PHACTR1: variants seen among roughly 807,000 people sequenced by gnomAD.
The protein encoded by PHACTR1 is RPEL repeat containing 1.
PHACTR1 carries 16 observed loss-of-function variants against 69.2 expected under a neutral mutation model. The ratio of observed to expected loss-of-function variants is 0.23; its 90% CI spans 0.16 to 0.35. The LOEUF is 0.35. Among genes scored for constraint, PHACTR1 ranks in the 10% least tolerant of loss-of-function variants. PHACTR1 has a pLI of 1.00. For missense variants in PHACTR1, 510 were observed against 734.7 expected (o/e 0.69, Z 3.54); for synonymous variants, 312 against 284.5 (o/e 1.10, Z -0.97).
At chr6:13,284,555 T>C (rs1366312354) in intron 13 of PHACTR1, among the ~76,000 whole-genome samples, 3 of 113,090 alleles carry the variant, frequency 2.7e-5, no homozygotes, top group Non-Finnish European at 4.9e-5. Context: ...TATATATATA[T>C]ATATATATAT....
At chr6:12,885,544 G>A (rs1011379852) in intron 4 of PHACTR1, among the ~76,000 whole-genome samples, 28 of 152,304 alleles carry the variant, frequency 1.8e-4, no homozygotes, top group Non-Finnish European at 3.1e-4. Flanking sequence ...TTTAGAAATA[G>A]CAAAGATGCA....
intron 4 of PHACTR1, among the ~76,000 whole-genome samples, chr6:13,017,213 T>TCAA (rs1800320455): frequency 8.3e-6 from 1 of 120,986 alleles, no homozygotes; most frequent in African/African-American, 3.6e-5. Flanking sequence ...AAAAAATGCA[T>TCAA]CAACAACAAC....
chr6:13,229,957 T>G, intron 9 of PHACTR1, 80 bp from the exon 10 acceptor site: 1 of 1,439,668 alleles, frequency 6.9e-7, no homozygotes, highest in East Asian at 2.5e-5. Context: ...TCCTGCCTTG[T>G]ATCTTATGAC....
intron 11 of PHACTR1, chr6:13,274,331 T>C (rs992640142): frequency 2.6e-5 from 4 of 152,178 alleles, no homozygotes; most frequent in Admixed American, 2.0e-4. Context: ...CCTTTAAAGT[T>C]TCCAAGCTTA....
chr6:12,751,547 G>A (rs1346576699), intron 4 of PHACTR1, among the ~76,000 whole-genome samples: 4 of 152,208 alleles, frequency 2.6e-5, no homozygotes, highest in Non-Finnish European at 4.4e-5. Context: ...CCTTCTACTA[G>A]TACTTTTATC....
intron 4 of PHACTR1, among the ~76,000 whole-genome samples, chr6:12,867,829 G>A (rs528645127): frequency 8.6e-6 from 1 of 115,712 alleles, no homozygotes; most frequent in East Asian, 2.6e-4. Context: ...AGAAGCAAGG[G>A]GAAGGGAGGA....
chr6:13,001,605 C>T (rs1408912742), intron 4 of PHACTR1, among the ~76,000 whole-genome samples: 1 of 152,180 alleles, frequency 6.6e-6, no homozygotes, highest in Non-Finnish European at 1.5e-5. Context: ...CAGTTTCTCC[C>T]AGAAAAGGTC....
chr6:12,877,251 T>C (rs1486793285), intron 4 of PHACTR1, among the ~76,000 whole-genome samples: 2 of 152,216 alleles, frequency 1.3e-5, no homozygotes, highest in Non-Finnish European at 2.9e-5. Context: ...AGGGTTGCAG[T>C]AGAATGACTT....
intron 4 of PHACTR1, among the ~76,000 whole-genome samples, chr6:12,951,256 C>A (rs1791259597): frequency 6.6e-6 from 1 of 152,202 alleles, no homozygotes; most frequent in East Asian, 1.9e-4. Context: ...TTGCTCAGAA[C>A]AAGAATCCTT....
chr6:13,175,861 A>T (rs1004602150), intron 6 of PHACTR1, among the ~76,000 whole-genome samples: 6 of 152,120 alleles, frequency 3.9e-5, no homozygotes, highest in African/African-American at 1.2e-4. Context: ...GGCTGGAGGA[A>T]GTCGTTGATG....
At chr6:12,946,421 C>T (rs565603211) in intron 4 of PHACTR1, among the ~76,000 whole-genome samples, 15 of 152,092 alleles carry the variant, frequency 9.9e-5, no homozygotes, top group African/African-American at 2.9e-4. Context: ...AACAAAGCTC[C>T]GAGATATGAG....
intron 4 of PHACTR1, among the ~76,000 whole-genome samples, chr6:13,006,100 C>T (rs944078923): frequency 6.6e-6 from 1 of 152,194 alleles, no homozygotes; most frequent in African/African-American, 2.4e-5. Context: ...AAAAGGATCA[C>T]ATCAGCCAGT....
chr6:12,844,540 C>T (rs1779010450), intron 4 of PHACTR1, among the ~76,000 whole-genome samples: 1 of 152,142 alleles, frequency 6.6e-6, no homozygotes. Flanking sequence ...TCTATGCGTA[C>T]AGGACACTGA....
At chr6:13,056,707 A>T (rs1806837712) in intron 5 of PHACTR1, among the ~76,000 whole-genome samples, 1 of 152,186 alleles carries the variant, frequency 6.6e-6, no homozygotes, top group South Asian at 2.1e-4. Context: ...ACAACCAAGG[A>T]GCAGAGTGAG....
intron 5 of PHACTR1, among the ~76,000 whole-genome samples, chr6:13,154,421 G>A (rs1479254905): frequency 1.3e-5 from 2 of 152,104 alleles, no homozygotes; most frequent in Non-Finnish European, 2.9e-5. Context: ...ACCTCCCAAA[G>A]TGCTGAGATT....
intron 4 of PHACTR1, among the ~76,000 whole-genome samples, chr6:12,875,762 C>A (rs528652158): frequency 2.0e-5 from 3 of 152,172 alleles, no homozygotes; most frequent in Non-Finnish European, 4.4e-5. Context: ...ATAAACCTGG[C>A]TTGTGTTGTC....
At chr6:13,012,944 G>A (rs954876206) in intron 4 of PHACTR1, among the ~76,000 whole-genome samples, 2 of 152,234 alleles carry the variant, frequency 1.3e-5, no homozygotes, top group Non-Finnish European at 2.9e-5. Flanking sequence ...AGGAAACTGA[G>A]GCAGGAGGAT....
At chr6:13,157,915 G>T (rs951526298) in intron 5 of PHACTR1, among the ~76,000 whole-genome samples, 1 of 151,606 alleles carries the variant, frequency 6.6e-6, no homozygotes, top group Non-Finnish European at 1.5e-5. Flanking sequence ...CAGAGTCTCC[G>T]TGGGTTGCCC....
chr6:13,027,157 G>A (rs780098936), intron 4 of PHACTR1, among the ~76,000 whole-genome samples: 3 of 152,062 alleles, frequency 2.0e-5, no homozygotes, highest in South Asian at 2.1e-4. Flanking sequence ...AGAGGGTACC[G>A]GGTACCGAGT....
Sources: allele counts gnomAD v4.1 joint callset (sites outside exome capture counted in the v4.1 genomes callset), GRCh38; gene constraint gnomAD v4.1.1; transcripts MANE v1.5; gene names NCBI Gene and HGNC (gene_info 2026-07-23, HGNC 2026-07-21).